Variants in PKHD1 observed in about 807,000 individuals in gnomAD.
PKHD1 encodes the protein fibrocystin.
A neutral mutation model predicts 412.0 loss-of-function variants in PKHD1; 291 were observed. The ratio of observed to expected loss-of-function variants is 0.71; its 90% confidence interval spans 0.64 to 0.78. The LOEUF is 0.78. Ranked by LOEUF, PKHD1 falls within the 30% of genes least tolerant of loss-of-function variation. The pLI is 0.00. For synonymous variants in PKHD1, 1,777 were observed against 1,821.5 expected (o/e 0.98, Z 0.62); for missense variants, 4,825 against 4,950.7 (o/e 0.97, Z 0.76).
chr6:51,658,819 T>C (rs1369394928), intron 61 of PKHD1, 133 bp downstream of exon 61: 14 of 679,592 alleles, frequency 2.1e-5, no homozygotes, highest in East Asian at 1.3e-4. Flanking sequence ...AATGACTCTT[T>C]GAATTTTTAT....
chr6:52,048,294 G>A (rs1457009077), intron 23 of PKHD1, among the ~76,000 whole-genome samples, 198 bp downstream of exon 23: 2 of 152,252 alleles, frequency 1.3e-5, no homozygotes, highest in Admixed American at 6.5e-5. Context: ...TCTACAAAAT[G>A]TAAAGGTTGG....
chr6:52,070,934 G>A (rs1582094039), intron 9 of PKHD1, 72 bp downstream of exon 9: 1 of 878,826 alleles, frequency 1.1e-6, no homozygotes, highest in East Asian at 2.4e-5. Context: ...AACCAATCTT[G>A]CAATTGCTTT....
intron 53 of PKHD1, among the ~76,000 whole-genome samples, chr6:51,780,493 T>A (rs1791813262): frequency 6.6e-6 from 1 of 152,108 alleles, no homozygotes; most frequent in Non-Finnish European, 1.5e-5. Context: ...TAAATGACTT[T>A]GATAAATCAA....
chr6:51,895,259 G>T (rs183751797), intron 43 of PKHD1, among the ~76,000 whole-genome samples: 1 of 152,168 alleles, frequency 6.6e-6, no homozygotes, highest in Non-Finnish European at 1.5e-5. Flanking sequence ...TTTGAGACTC[G>T]CCTAGGGAAC....
intron 56 of PKHD1, among the ~76,000 whole-genome samples, 179 bp from the exon 57 acceptor site, chr6:51,753,532 C>A (rs1310330357): frequency 6.6e-6 from 1 of 152,310 alleles, no homozygotes; most frequent in Middle Eastern, 3.4e-3. Context: ...AATAAAATAA[C>A]CCATTCACTT....
intron 35 of PKHD1, among the ~76,000 whole-genome samples, chr6:51,998,522 A>G (rs887859545): frequency 6.6e-6 from 1 of 152,242 alleles, no homozygotes; most frequent in Non-Finnish European, 1.5e-5. Flanking sequence ...AAATATTCCA[A>G]GTTATTCTGC....
rs569418597 is a variant in PKHD1, at chr6:51,816,789, A to G, written c.8302+14072T>C. On this transcript the variant is annotated intron_variant, in intron 52 of 66. Coordinates refer to ENST00000371117, the MANE Select transcript of PKHD1 (RefSeq NM_138694.4). The stretch of plus-strand genomic sequence containing the variant: ...TTTCTGTCCATAAATCCTCTGCCAC[A>G]TGGCTGCACGAGAGCCTCTTTGAGC... Among the ~76,000 whole-genome samples the G allele has an allele frequency of 8.5e-4, 129 of 152,338 alleles. 3 individuals carry two copies. The South Asian group carries it at 0.012, about 15-fold the overall frequency.
chr6:51,822,965 T>C (rs57349754), intron 52 of PKHD1, among the ~76,000 whole-genome samples: 15,124 of 152,196 alleles, frequency 0.099, 846 homozygotes, highest in East Asian at 0.15. Context: ...GCTTGTAATT[T>C]GTATTGTTAA....
At chr6:51,830,795 G>A (rs1768106628) in intron 52 of PKHD1, 66 bp downstream of exon 52, 3 of 1,447,688 alleles carry the variant, frequency 2.1e-6, no homozygotes, top group Admixed American at 1.7e-5. Context: ...CAATATAAAT[G>A]AAACATAATC....
chr6:51,730,972 G>A (rs1326835862), intron 60 of PKHD1, among the ~76,000 whole-genome samples: 1 of 152,212 alleles, frequency 6.6e-6, no homozygotes, highest in Non-Finnish European at 1.5e-5. Context: ...CCACGCTGGA[G>A]TGCAGTGGCA....
chr6:51,620,796 A>ATG (rs1766512344), intron 66 of PKHD1, among the ~76,000 whole-genome samples: 1 of 145,838 alleles, frequency 6.9e-6, no homozygotes, highest in Non-Finnish European at 1.5e-5. Context: ...ACATATATAT[A>ATG]TATGTATATA....
At chr6:52,036,102 G>A (rs949292983) in intron 27 of PKHD1, among the ~76,000 whole-genome samples, 1 of 152,182 alleles carries the variant, frequency 6.6e-6, no homozygotes. Flanking sequence ...GAGCATCATG[G>A]TGGAAGGAAC....
intron 60 of PKHD1, among the ~76,000 whole-genome samples, chr6:51,737,508 A>T (rs1231337259): frequency 2.6e-5 from 4 of 152,320 alleles, no homozygotes; most frequent in Non-Finnish European, 5.9e-5. Context: ...GTGGAAATAT[A>T]TTCAGTGTGT....
intron 35 of PKHD1, among the ~76,000 whole-genome samples, chr6:51,983,668 ATCTT>A (rs1468074305): frequency 1.3e-5 from 2 of 152,368 alleles, no homozygotes; most frequent in African/African-American, 2.4e-5. Context: ...TTAAATGGTC[ATCTT>A]TCTTCTCATT....
chr6:51,822,615 T>C (rs1582885149), intron 52 of PKHD1, among the ~76,000 whole-genome samples: 1 of 152,298 alleles, frequency 6.6e-6, no homozygotes, highest in Middle Eastern at 3.4e-3. Flanking sequence ...AATTACCAAA[T>C]TGCAATCCAG....
At position 52,017,591 on chromosome 6, in the gene PKHD1, C is replaced by T; in HGVS notation, c.5419G>A (p.Asp1807Asn). The change falls in exon 34 of 67, where the codon GAC becomes AAC. Residue 1807 changes from aspartate (D) to asparagine (N), a missense_variant. Coordinates refer to ENST00000371117, the MANE Select transcript of PKHD1 (RefSeq NM_138694.4). ...GTGTGTCTGGCAGCCTCACAGCTGT[C>T]CTCCTCACGCTTCAGGCCACACAGG... ...AFLCGLKREEDSCEAARHTYV... is the reference protein window; with the variant it reads ...AFLCGLKREENSCEAARHTYV... 6.2e-7 allele frequency: 1 copy of T among 1,613,890 alleles called. No individual in the cohort carries two copies. Among genetic ancestry groups the T allele is most frequent in the Non-Finnish European group, 8.5e-7 (1 of 1,179,954 alleles).
chr6:52,034,949 T>C (rs1803697259), intron 28 of PKHD1, among the ~76,000 whole-genome samples: 1 of 152,350 alleles, frequency 6.6e-6, no homozygotes, highest in East Asian at 1.9e-4. Context: ...GGAATGTTGA[T>C]GCTGCTTAAG....
chr6:52,071,168 A>G (rs1022526588), intron 8 of PKHD1, 98 bp from the exon 9 acceptor site: 58 of 831,894 alleles, frequency 7.0e-5, no homozygotes, highest in Non-Finnish European at 1.1e-4. Context: ...AGAAAACCAA[A>G]TTTGCTAGAG....
intron 60 of PKHD1, among the ~76,000 whole-genome samples, chr6:51,706,574 G>A (rs1356571515): frequency 2.6e-5 from 4 of 151,796 alleles, no homozygotes; most frequent in Non-Finnish European, 4.4e-5. Flanking sequence ...GTGGAAGAGG[G>A]GTCAGTAAAT....
Sources: allele counts gnomAD v4.1 joint callset (sites outside exome capture counted in the v4.1 genomes callset), GRCh38; gene constraint gnomAD v4.1.1; transcripts MANE v1.5; gene names NCBI Gene and HGNC (gene_info 2026-07-23, HGNC 2026-07-21).